Variants in SRD5A1 observed in about 807,000 individuals in gnomAD.
SRD5A1 encodes steroid 5 alpha-reductase 1.
Under a neutral mutation model 28.2 loss-of-function variants are expected in SRD5A1, and 22 were observed. The observed-to-expected ratio is 0.78, with a 90% confidence interval of 0.56 to 1.12. The LOEUF (loss-of-function observed/expected upper bound fraction) is 1.12, where lower values mean the gene tolerates loss of function less well. Among genes scored for constraint, SRD5A1 ranks in the 50% most tolerant of loss-of-function variants. SRD5A1 has a pLI of 0.00. For synonymous variants in SRD5A1, 151 were observed against 135.0 expected (o/e 1.12, Z -0.82); for missense variants, 300 against 346.7 (o/e 0.87, Z 1.07).
Position 6,673,762 on chromosome 5 carries a change from T to A in SRD5A1, c.*5494T>A, listed in dbSNP as rs962698473. On this transcript the variant is annotated 3_prime_UTR_variant, in exon 5 of 5. Transcript: ENST00000274192. ...AGGAAAATCTATTCATACAATAGAA[T>A]ACTAGTGTCAGAGATTTTTTTTTAA... 2.0e-4 allele frequency: 30 copies of A among 152,188 alleles called. No homozygotes were observed. Among genetic ancestry groups the A allele is most frequent in the African/African-American group, 7.2e-4 (30 of 41,452 alleles). 9.4% of individuals were successfully genotyped at this position (152,188 alleles called of 1,614,324 possible). A position where few individuals can be genotyped will look rare whatever the true frequency, so the allele number is the denominator to read the frequency against.
intron 1 of SRD5A1, among the ~76,000 whole-genome samples, chr5:6,641,004 G>C (rs558084869): frequency 2.2e-4 from 34 of 152,272 alleles, no homozygotes; most frequent in African/African-American, 7.9e-4. Flanking sequence ...GTGATTTTGG[G>C]TGCGAATGGG....
chr5:6,666,770 C>T (rs926430758), intron 4 of SRD5A1, among the ~76,000 whole-genome samples: 1 of 152,212 alleles, frequency 6.6e-6, no homozygotes, highest in Non-Finnish European at 1.5e-5. Flanking sequence ...TCTGATGTCA[C>T]GGAGCCCAGC....
chr5:6,644,983 A>C, intron 1 of SRD5A1: 1 of 455,946 alleles, frequency 2.2e-6, no homozygotes. Context: ...TACCCACCTC[A>C]CTGATGACAC....
rs770025504 is a variant in SRD5A1 at position 6,633,853 on chromosome 5, G to C, written c.277G>C (p.Val93Leu). 5 of 1,597,108 alleles carry C rather than the reference G, an allele frequency of 3.1e-6. No individual in the cohort carries two copies. In the South Asian group the frequency reaches 5.5e-5, roughly 18 times the overall value. ...CTGCATCCTCCTGGCCATGTTCCTC[G>C]TCCACTACGGGCATCGGTAACGTCC... ...PNCILLAMFL[V>L]HYGHRCLIYP... Residue 93 changes from valine to leucine, a missense_variant, in exon 1 of 5, where the codon GTC becomes CTC. Val to Leu is a conservative substitution (Grantham distance 32, BLOSUM62 1). Transcript: ENST00000274192.
intron 1 of SRD5A1, among the ~76,000 whole-genome samples, chr5:6,646,110 T>C (rs1738504055): frequency 6.6e-6 from 1 of 152,206 alleles, no homozygotes; most frequent in Admixed American, 6.5e-5. Context: ...TTTTCTGTTC[T>C]TGTGATAGTT....
rs1042034251 is a variant in SRD5A1, at chr5:6,667,749, G to A, written c.714-453G>A. On this transcript the variant is annotated intron_variant, in intron 4 of 4. Coordinates refer to ENST00000274192, the MANE Select transcript of SRD5A1 (RefSeq NM_001047.4). The stretch of plus-strand genomic sequence containing the variant: ...TACTAAGAGCGTTCATGAGCCTCCT[G>A]GTATGCAGCTGGGTGCCCACTCTAC... Among the ~76,000 whole-genome samples, 56 of 152,266 alleles carry A rather than the reference G, an allele frequency of 3.7e-4. 1 individual carries two copies. The highest frequency in any genetic ancestry group is 1.3e-3 in the African/African-American group (54 of 41,552).
chr5:6,650,042 C>G (rs756664585), intron 1 of SRD5A1, among the ~76,000 whole-genome samples: 1 of 152,150 alleles, frequency 6.6e-6, no homozygotes, highest in Non-Finnish European at 1.5e-5. Context: ...TCATTGGTAA[C>G]AGTGCTATTC....
intron 1 of SRD5A1, among the ~76,000 whole-genome samples, chr5:6,636,463 G>A (rs963829141): frequency 6.6e-6 from 1 of 152,216 alleles, no homozygotes; most frequent in Non-Finnish European, 1.5e-5. Flanking sequence ...CAACCTGACA[G>A]GTGTGCACAC....
At position 6,656,091 on chromosome 5, in the gene SRD5A1, G is replaced by T. The variant is rs781086404; in HGVS notation, c.474G>T (p.Trp158Cys). 3 of 1,613,804 alleles carry T rather than the reference G, an allele frequency of 1.9e-6. No individual in the cohort carries two copies. The highest frequency in any genetic ancestry group is 2.5e-6 in the Non-Finnish European group (3 of 1,179,886). ...DPRFLIGFGL[W>C]LTGMLINIHS... Reference sequence around the variant, plus strand: ...TTTTTCCTTTAGGTTTTGGCTTGTGGTTAACGGGCATGTTGATAAACATCC... The same window carrying T: ...TTTTTCCTTTAGGTTTTGGCTTGTGTTTAACGGGCATGTTGATAAACATCC... Residue 158 changes from tryptophan (W) to cysteine (C), a missense_variant, in exon 3 of 5, where the codon TGG (tryptophan) becomes TGT (cysteine). Physicochemically the swap from Trp to Cys is radical, Grantham distance 215. Around this residue, in one of 2 missense-constraint regions of SRD5A1, gnomAD observed 126 missense variants for 185.7 expected, o/e 0.68. Transcript: ENST00000274192.
At chr5:6,640,185 A>G (rs1441889154) in intron 1 of SRD5A1, among the ~76,000 whole-genome samples, 1 of 152,180 alleles carries the variant, frequency 6.6e-6, no homozygotes, top group East Asian at 1.9e-4. Flanking sequence ...TGGCCATGTC[A>G]CCATATTCCT....
chr5:6,651,783 T>C, intron 1 of SRD5A1, 59 bp from the exon 2 acceptor site: 1 of 1,487,828 alleles, frequency 6.7e-7, no homozygotes, highest in Non-Finnish European at 9.1e-7. Flanking sequence ...TAAGATAGGA[T>C]TACAGAAATG....
At chr5:6,644,070 G>C (rs1738439258) in intron 1 of SRD5A1, among the ~76,000 whole-genome samples, 3 of 152,328 alleles carry the variant, frequency 2.0e-5, no homozygotes, top group Middle Eastern at 3.4e-3. Context: ...ATGCCAGAGG[G>C]AACGTCCACC....
At position 6,668,347 on chromosome 5, in the gene SRD5A1, C is replaced by G; in HGVS notation, c.*79C>G. On this transcript the variant is annotated 3_prime_UTR_variant, in exon 5 of 5. Transcript: ENST00000274192. ...TATGGACTTTGTAAATAAGTTATAT[C>G]TTTGTAATTTTCCTGCTACTTTATC... is the stretch of plus-strand genomic sequence containing the variant. 1 of 894,766 alleles carries G rather than the reference C, an allele frequency of 1.1e-6. No homozygotes were observed. Among genetic ancestry groups the G allele is most frequent in the Non-Finnish European group, 1.7e-6 (1 of 591,264 alleles). The allele number at this position is 894,766 out of a possible 1,614,324, so 55.4% of individuals were successfully genotyped here. A position where few individuals can be genotyped will look rare whatever the true frequency, so the allele number is the denominator to read the frequency against.
chr5:6,649,348 C>G (rs368487946), intron 1 of SRD5A1, among the ~76,000 whole-genome samples: 1 of 152,194 alleles, frequency 6.6e-6, no homozygotes, highest in Non-Finnish European at 1.5e-5. Flanking sequence ...GGTGCTCTGT[C>G]CCAGGGAGCT....
rs548997052 is a variant in SRD5A1 at position 6,633,821 on chromosome 5, C to T, written c.245C>T (p.Ala82Val). 2 of 1,597,904 alleles carry T rather than the reference C, an allele frequency of 1.3e-6. No individual in the cohort carries two copies. Among genetic ancestry groups the T allele is most frequent in the African/African-American group, 1.3e-5 (1 of 75,014 alleles). ...GAGTCCGCCCCGCGTCTCCGCAGCG[C>T]GCCCAACTGCATCCTCCTGGCCATG... Reference protein sequence around the residue: ...ASESAPRLRSAPNCILLAMFL... With the variant: ...ASESAPRLRSVPNCILLAMFL... Residue 82 changes from alanine to valine, a missense_variant, in exon 1 of 5, where the codon GCG becomes GTG. By Grantham distance (64) the Ala-to-Val change is moderately conservative. Transcript: ENST00000274192.
chr5:6,645,004 T>G, intron 1 of SRD5A1: 1 of 456,008 alleles, frequency 2.2e-6, no homozygotes, highest in Non-Finnish European at 4.4e-6. Flanking sequence ...AACATCTGAA[T>G]GCACACTTAC....
At chr5:6,661,754 A>G (rs8192216) in intron 3 of SRD5A1, among the ~76,000 whole-genome samples, 3,550 of 152,160 alleles carry the variant, frequency 0.023, 56 homozygotes, top group Non-Finnish European at 0.027. Flanking sequence ...GCTGGTCTCC[A>G]ACTCCTGACC....
In SRD5A1 at chr5:6,662,061, T is replaced by G. The variant is rs556354120; in HGVS notation, c.563-755T>G. ...CCCACCCCTCATCTGGTCTTTGGAGTGTGCCAGCCATTGCTGTCTGCCTCA... is the reference window on the plus strand; with the variant it reads ...CCCACCCCTCATCTGGTCTTTGGAGGGTGCCAGCCATTGCTGTCTGCCTCA... On this transcript the variant is annotated intron_variant, in intron 3 of 4. Transcript: ENST00000274192. Among the ~76,000 whole-genome samples the G allele has an allele frequency of 2.0e-4, 31 of 152,052 alleles. No homozygotes were observed. In the South Asian group the frequency reaches 6.0e-3, roughly 30 times the overall value.
intron 3 of SRD5A1, among the ~76,000 whole-genome samples, chr5:6,657,328 T>C (rs1738862521): frequency 6.6e-6 from 1 of 152,206 alleles, no homozygotes; most frequent in Admixed American, 6.5e-5. Context: ...ATTCAGCCCC[T>C]GGGTGGATTG....
Sources: allele counts gnomAD v4.1 joint callset (sites outside exome capture counted in the v4.1 genomes callset), GRCh38; gene constraint gnomAD v4.1.1; regional missense constraint gnomAD v4.1.1; transcripts MANE v1.5; gene names NCBI Gene and HGNC (gene_info 2026-07-23, HGNC 2026-07-21).